The following MIDEAS variants were observed in gnomAD, a reference collection of about 807,000 sequenced individuals.
MIDEAS encodes mitotic deacetylase associated SANT domain protein, also known as mitotic deacetylase-associated SANT domain protein.
In MIDEAS, 26 loss-of-function variants were observed where a neutral mutation model predicts 102.7. That is an observed-to-expected ratio of 0.25 (90% confidence interval 0.19 to 0.35). MIDEAS has a LOEUF of 0.35. Ranked by LOEUF, MIDEAS falls within the 10% of genes least tolerant of loss-of-function variation. The pLI is 1.00. For synonymous variants in MIDEAS, 585 were observed against 591.0 expected (o/e 0.99, Z 0.15); for missense variants, 1,231 against 1,435.6 (o/e 0.86, Z 2.30).
intron 3 of MIDEAS, among the ~76,000 whole-genome samples, chr14:73,731,323 T>C (rs2053136558): frequency 6.6e-6 from 1 of 152,172 alleles, no homozygotes; most frequent in Admixed American, 6.5e-5. Flanking sequence ...AGGTTCTGGC[T>C]CCCATAAACA....
chr14:73,784,316 G>A (rs1042427997), intron 1 of MIDEAS, among the ~76,000 whole-genome samples: 13 of 152,198 alleles, frequency 8.5e-5, no homozygotes, highest in East Asian at 5.8e-4. Flanking sequence ...TAACAACTTC[G>A]GGGCAAGCTC....
chr14:73,726,308 G>A (rs745853287), intron 7 of MIDEAS, among the ~76,000 whole-genome samples, 200 bp from the exon 8 acceptor site: 4 of 152,146 alleles, frequency 2.6e-5, no homozygotes, highest in Non-Finnish European at 4.4e-5. Context: ...GTCCTCTTAA[G>A]AGAGTCCATG....
rs554327110 is a variant in MIDEAS at position 73,752,650 on chromosome 14, A to ACAGACAGACGCCCGTTTGACTC, written c.-248+7112_-248+7113insGAGTCAAACGGGCGTCTGTCTG. On this transcript the variant is annotated intron_variant, in intron 1 of 12. Transcript: ENST00000423556. ...CTCCTAGAAGGGCTGCAAACTGGGC[A>ACAGACAGACGCCCGTTTGACTC]CAGACAGACGCCCATTTGACTCCAG... 2.2e-4 allele frequency among the ~76,000 whole-genome samples: 33 copies of ACAGACAGACGCCCGTTTGACTC among 152,296 alleles called. No homozygotes were observed. The East Asian group carries it at 4.6e-3, about 21-fold the overall frequency.
intron 1 of MIDEAS, among the ~76,000 whole-genome samples, chr14:73,758,108 C>T (rs941935680): frequency 2.0e-5 from 3 of 152,134 alleles, no homozygotes; most frequent in Non-Finnish European, 2.9e-5. Context: ...CAGCCAGAGG[C>T]CAATCCAATT....
intron 3 of MIDEAS, among the ~76,000 whole-genome samples, chr14:73,733,249 T>C (rs1249864318): frequency 6.6e-6 from 1 of 152,188 alleles, no homozygotes; most frequent in African/African-American, 2.4e-5. Context: ...GGTCCTTATA[T>C]GGAATAAAGC....
chr14:73,779,936 C>G lies in MIDEAS; in HGVS notation c.-248+7166G>C, dbSNP rs1437886821. ...TGCCCAGGCTGGAGTGCAGTGGCAC[C>G]ATCTCAGCTCACTGCAAGCTCCTCC... On this transcript the variant is annotated intron_variant, in intron 1 of 11. Coordinates refer to the MIDEAS transcript ENST00000394071. Among the ~76,000 whole-genome samples the G allele has an allele frequency of 3.3e-4, 47 of 141,342 alleles. 1 individual carries two copies. The Admixed American group carries it at 3.4e-3, about 10-fold the overall frequency. 92.7% of individuals were successfully genotyped at this position (141,342 alleles called of 152,430 possible).
Position 73,729,814 on chromosome 14 carries a change from C to T in MIDEAS, c.1921G>A (p.Ala641Thr). 1.2e-6 allele frequency: 2 copies of T among 1,613,290 alleles called. No individual in the cohort carries two copies. Among genetic ancestry groups the T allele is most frequent in the Non-Finnish European group, 1.7e-6 (2 of 1,179,806 alleles). ...QSHLRSPVRL[A>T]DHPSERSFEL... ...AAGCTCCGCTCAGAGGGGTGGTCAG[C>T]TAGGCGCACGGGAGAGCGCAGGTGG... The change falls in exon 4 of 13, where the codon GCT becomes ACT. Residue 641 changes from alanine to threonine, a missense_variant. This residue lies in a region of MIDEAS where 758 missense variants were observed against 856.0 expected (regional missense o/e 0.89). Transcript: ENST00000423556.
At chr14:73,721,727 C>A in intron 10 of MIDEAS, 1 of 543,156 alleles carries the variant, frequency 1.8e-6, no homozygotes, top group Non-Finnish European at 3.3e-6. Context: ...TGAGAGAGAA[C>A]GAGGGGCAAG....
At chr14:73,747,738 C>T (rs1252403367) in intron 1 of MIDEAS, among the ~76,000 whole-genome samples, 2 of 151,786 alleles carry the variant, frequency 1.3e-5, no homozygotes, top group Non-Finnish European at 2.9e-5. Context: ...TAGGATGCTT[C>T]ACAAGCAGCC....
rs947287425 is a variant in MIDEAS at position 73,721,592 on chromosome 14, C to T, written c.2725-83G>A. ...CAGATTCTGACCCGGCCGGGGGGTT[C>T]ACCAGCCCCAGCTAGTCCTGCTCGC... On this transcript the variant is annotated intron_variant, in intron 10 of 12. Transcript: ENST00000423556. 2.6e-5 allele frequency: 33 copies of T among 1,283,740 alleles called. No individual in the cohort carries two copies. The African/African-American group carries it at 3.4e-4, about 13-fold the overall frequency. 79.5% of individuals were successfully genotyped at this position (1,283,740 alleles called of 1,614,324 possible).
chr14:73,741,764 G>T (rs1837132873), intron 1 of MIDEAS, among the ~76,000 whole-genome samples: 1 of 152,174 alleles, frequency 6.6e-6, no homozygotes, highest in African/African-American at 2.4e-5. Flanking sequence ...CCAGCACCCA[G>T]AAGGGGAGTA....
chr14:73,765,886 A>C (rs1211171039), intron 1 of MIDEAS, among the ~76,000 whole-genome samples: 1 of 152,146 alleles, frequency 6.6e-6, no homozygotes, highest in African/African-American at 2.4e-5. Flanking sequence ...AAGTTGGTAC[A>C]ATGTCCCCCA....
chr14:73,734,274 C>T (rs1421471547), intron 3 of MIDEAS, among the ~76,000 whole-genome samples: 1 of 152,168 alleles, frequency 6.6e-6, no homozygotes, highest in Non-Finnish European at 1.5e-5. Context: ...TGAGCCACTG[C>T]CCCCGGCCCA....
Position 73,779,570 on chromosome 14 carries a change from A to ATT in MIDEAS, c.-248+7530_-248+7531dup, listed in dbSNP as rs774103102. ...TTTTAATTTGTTTATTATTATTATT[A>ATT]TTATTTTTTTTTTTTTTTGAGACGG... On this transcript the variant is annotated intron_variant, in intron 1 of 11. Transcript: ENST00000394071. Among the ~76,000 whole-genome samples the ATT allele has an allele frequency of 2.5e-3, 153 of 60,108 alleles. 3 individuals are homozygous for ATT. The highest frequency in any genetic ancestry group is 9.8e-3 in the Middle Eastern group (1 of 102). 39.4% of individuals were successfully genotyped at this position (60,108 alleles called of 152,430 possible).
At chr14:73,733,717 C>T (rs986597481) in intron 3 of MIDEAS, among the ~76,000 whole-genome samples, 2 of 152,170 alleles carry the variant, frequency 1.3e-5, no homozygotes, top group Non-Finnish European at 2.9e-5. Context: ...TTGTTTGAGA[C>T]GAAGTCTCAC....
rs530767215 is a variant in MIDEAS, at chr14:73,718,100, G to C, written c.*743C>G. ...CCCTGCAGCTTCCAGCCTCCGTACA[G>C]CTCCCTTCCCTGCAGCAGGATGAGT... On this transcript the variant is annotated 3_prime_UTR_variant, in exon 13 of 13. Transcript: ENST00000423556. 2 of 152,614 alleles carry C rather than the reference G, an allele frequency of 1.3e-5. No homozygotes were observed. The highest frequency in any genetic ancestry group is 2.1e-4 in the South Asian group (1 of 4,830). The allele number at this position is 152,614 out of a possible 1,614,324, so 9.5% of individuals were successfully genotyped here.
chr14:73,771,974 G>C (rs2053646147), intron 1 of MIDEAS, among the ~76,000 whole-genome samples: 1 of 152,230 alleles, frequency 6.6e-6, no homozygotes, highest in African/African-American at 2.4e-5. Flanking sequence ...CAGCCCAGAG[G>C]TGAGTGGGCG....
At chr14:73,719,180 G>T in intron 12 of MIDEAS, 125 bp downstream of exon 12, 6 of 1,493,230 alleles carry the variant, frequency 4.0e-6, no homozygotes, top group Non-Finnish European at 5.3e-6. Flanking sequence ...CTAGAAACCC[G>T]CTGAGCCAAC....
rs757601419 is a variant in MIDEAS at position 73,742,726 on chromosome 14, C to T, written c.-247-2471G>A. 6.6e-6 allele frequency among the ~76,000 whole-genome samples: 1 copy of T among 152,168 alleles called. No individual in the cohort carries two copies. The highest frequency in any genetic ancestry group is 1.9e-4 in the East Asian group (1 of 5,186). ...GCAGAGGCCTCCCTGTCACCCTCACCGAAGAGCTAAGGGTGCCAGGGGCAC... is the reference window on the plus strand; with the variant it reads ...GCAGAGGCCTCCCTGTCACCCTCACTGAAGAGCTAAGGGTGCCAGGGGCAC... On this transcript the variant is annotated intron_variant, in intron 1 of 12. Transcript: ENST00000423556. This position sits in a 1 kb window ranked among gnomAD's most constrained non-coding sequence, Gnocchi z 4.4.
Sources: gnomAD v4.1 joint callset for allele counts (sites outside exome capture counted in the v4.1 genomes callset) on GRCh38, gnomAD v4.1.1 for gene constraint, gnomAD v4.1.1 regional missense constraint, Gnocchi (gnomAD v3.1) non-coding constraint, MANE v1.5 for transcripts, NCBI Gene and HGNC (gene_info 2026-07-23, HGNC 2026-07-21) for gene names.